Variants in COG2 observed in about 807,000 individuals in gnomAD.
COG2 encodes component of oligomeric golgi complex 2.
A neutral mutation model predicts 90.6 loss-of-function variants in COG2; 52 were observed. The ratio of observed to expected loss-of-function variants is 0.57; its 90% CI spans 0.46 to 0.72. COG2 has a LOEUF of 0.72. Ranked by LOEUF, COG2 falls within the 30% of genes least tolerant of loss-of-function variation. COG2 has a pLI of 0.00. For synonymous variants in COG2, 337 were observed against 320.4 expected (o/e 1.05, Z -0.55); for missense variants, 829 against 891.2 (o/e 0.93, Z 0.89).
chr1:230,644,229 G>A (rs1887491), intron 1 of COG2, among the ~76,000 whole-genome samples: 2 of 151,922 alleles, frequency 1.3e-5, no homozygotes, highest in African/African-American at 4.8e-5. Context: ...GTGAATATGC[G>A]GTACATTTTG....
chr1:230,663,136 T>C lies in COG2; in HGVS notation c.301-5T>C. ...TGCAGTACTTTTTTTTTTTGTCTTTTAAAGAGCCTTAGATCGTCTGTCAGT... is the reference window on the plus strand; with the variant it reads ...TGCAGTACTTTTTTTTTTTGTCTTTCAAAGAGCCTTAGATCGTCTGTCAGT... On this transcript the variant is annotated splice_polypyrimidine_tract_variant and splice_region_variant and intron_variant, in intron 3 of 17. Transcript: ENST00000366669. The C allele has an allele frequency of 6.3e-7, 1 of 1,594,542 alleles. No individual in the cohort carries two copies. Among genetic ancestry groups the C allele is most frequent in the Non-Finnish European group, 8.5e-7 (1 of 1,173,332 alleles).
At chr1:230,682,889 A>G (rs1023228891) in intron 10 of COG2, 1 of 152,236 alleles carries the variant, frequency 6.6e-6, no homozygotes, top group African/African-American at 2.4e-5. Flanking sequence ...GCCTTTCACA[A>G]AGTCATAAAA....
intron 12 of COG2, among the ~76,000 whole-genome samples, chr1:230,686,410 T>G (rs1662885379): frequency 6.6e-6 from 1 of 152,230 alleles, no homozygotes; most frequent in African/African-American, 2.4e-5. Context: ...GTAGATCACT[T>G]TGCCCTGAAT....
intron 2 of COG2, 24 bp downstream of exon 2, chr1:230,659,649 A>G (rs1441548862): frequency 8.1e-6 from 13 of 1,601,354 alleles, no homozygotes; most frequent in African/African-American, 1.3e-5. Flanking sequence ...CCACGGTCCC[A>G]TTTACATACA....
chr1:230,662,788 C>T (rs749871003), intron 3 of COG2, among the ~76,000 whole-genome samples: 8 of 152,158 alleles, frequency 5.3e-5, no homozygotes, highest in Non-Finnish European at 7.4e-5. Context: ...CTTTTCTCTA[C>T]GCTTGTCAGC....
chr1:230,651,310 G>A (rs1444002948), intron 1 of COG2, among the ~76,000 whole-genome samples: 1 of 152,098 alleles, frequency 6.6e-6, no homozygotes, highest in Non-Finnish European at 1.5e-5. Context: ...GGAGAATTTT[G>A]CTCTTCTGTT....
intron 10 of COG2, 168 bp from the exon 11 acceptor site, chr1:230,683,406 A>G (rs1662802278): frequency 7.9e-6 from 4 of 509,222 alleles, no homozygotes; most frequent in Admixed American, 3.7e-5. Context: ...TTTCTTGTTC[A>G]GTTAAAAAAA....
chr1:230,678,546 C>T (rs1662654856), intron 9 of COG2: 1 of 1,166,822 alleles, frequency 8.6e-7, no homozygotes, highest in Non-Finnish European at 1.1e-6. Flanking sequence ...TTTTCTCCTT[C>T]TTTCTCCTTT....
At chr1:230,674,144 C>A (rs1050117065) in intron 8 of COG2, among the ~76,000 whole-genome samples, 1 of 152,162 alleles carries the variant, frequency 6.6e-6, no homozygotes, top group East Asian at 1.9e-4. Flanking sequence ...TAAGGAATCT[C>A]CGTTATTTAA....
intron 9 of COG2, among the ~76,000 whole-genome samples, chr1:230,676,467 A>C (rs1286249053): frequency 6.6e-6 from 1 of 152,200 alleles, no homozygotes; most frequent in Non-Finnish European, 1.5e-5. Context: ...CGCGGAACTT[A>C]GAACACATTA....
chr1:230,659,685 A>C (rs1474172318), intron 2 of COG2, 60 bp downstream of exon 2: 7 of 1,535,334 alleles, frequency 4.6e-6, no homozygotes, highest in African/African-American at 4.1e-5. Flanking sequence ...ACTCATACTT[A>C]TTCTTAGAAG....
At chr1:230,693,264 A>C in intron 17 of COG2, 28 bp from the exon 18 acceptor site, 1 of 1,346,714 alleles carries the variant, frequency 7.4e-7, no homozygotes, top group Non-Finnish European at 1.1e-6. Flanking sequence ...AATTGCAGTA[A>C]CATAATTCAT....
rs546574690 is a variant in COG2, at chr1:230,654,070, C to T, written c.73-5394C>T. Reference sequence around the variant, plus strand: ...AATTTTCTCCCATTCTGTAGGTTGCCTGTTCACTCTGATGATAGTTTCTTT... The same window carrying T: ...AATTTTCTCCCATTCTGTAGGTTGCTTGTTCACTCTGATGATAGTTTCTTT... On this transcript the variant is annotated intron_variant, in intron 1 of 17. Coordinates refer to ENST00000366669, the MANE Select transcript of COG2 (RefSeq NM_007357.3). Among the ~76,000 whole-genome samples, 8 of 152,266 alleles carry T rather than the reference C, an allele frequency of 5.3e-5. No homozygotes were observed. In the East Asian group the frequency reaches 1.5e-3, roughly 29 times the overall value.
chr1:230,679,219 C>T (rs1662673115), intron 10 of COG2, 167 bp downstream of exon 10: 2 of 608,084 alleles, frequency 3.3e-6, no homozygotes, highest in Non-Finnish European at 5.2e-6. Flanking sequence ...ATTATGGTTG[C>T]CAAAGTCTGG....
chr1:230,691,249 T>C (rs1663018682), intron 16 of COG2, 135 bp from the exon 17 acceptor site: 1 of 628,264 alleles, frequency 1.6e-6, no homozygotes, highest in South Asian at 2.3e-5. Flanking sequence ...ACTTAAATAC[T>C]TACCGTGGTT....
chr1:230,687,308 C>G (rs1306073631), intron 13 of COG2, among the ~76,000 whole-genome samples, 176 bp downstream of exon 13: 1 of 152,218 alleles, frequency 6.6e-6, no homozygotes, highest in Non-Finnish European at 1.5e-5. Context: ...CCAGCTTCCC[C>G]TGACAGGTCA....
At chr1:230,683,690 C>G in intron 11 of COG2, 55 bp downstream of exon 11, 1 of 1,169,770 alleles carries the variant, frequency 8.5e-7, no homozygotes, top group Non-Finnish European at 1.3e-6. Context: ...TCATTCAGTT[C>G]ACCAAGTCAT....
chr1:230,666,871 C>A (rs888808025), intron 5 of COG2, among the ~76,000 whole-genome samples: 1 of 152,144 alleles, frequency 6.6e-6, no homozygotes, highest in African/African-American at 2.4e-5. Context: ...AAAATTTATT[C>A]TTCTCTTTTG....
Position 230,693,363 on chromosome 1 carries a change from C to G in COG2, c.2187C>G (p.Ala729=), listed in dbSNP as rs544415495. 9 of 1,613,296 alleles carry G rather than the reference C, an allele frequency of 5.6e-6. No individual in the cohort carries two copies. The Admixed American group carries it at 1.5e-4, about 27-fold the overall frequency. Residue 729 remains alanine (A), a synonymous_variant, in exon 18 of 18, where the codon GCC becomes GCG. Transcript: ENST00000366669. The stretch of plus-strand genomic sequence containing the variant: ...CTCTCGCAGAGCTTGTTGCTGCTGC[C>G]AAGGACCAGGCAACAGCAGAGCAGC... The part of the protein sequence containing the change: ...FSALAELVAA[A]KDQATAEQP
Sources: allele counts gnomAD v4.1 joint callset (sites outside exome capture counted in the v4.1 genomes callset), GRCh38; gene constraint gnomAD v4.1.1; transcripts MANE v1.5; gene names NCBI Gene and HGNC (gene_info 2026-07-23, HGNC 2026-07-21).